The following USF3 variants were observed in gnomAD, a reference collection of about 807,000 sequenced individuals.
USF3 encodes upstream transcription factor family member 3.
In USF3, 29 loss-of-function variants were observed where a neutral mutation model predicts 157.5. The observed-to-expected ratio is 0.18, with a 90% CI of 0.14 to 0.25. USF3 has a LOEUF of 0.25. Ranked by LOEUF, USF3 falls within the 10% of genes least tolerant of loss-of-function variation. The pLI, the probability that USF3 is intolerant of heterozygous loss-of-function variation, is 1.00. For missense variants in USF3, 2,381 were observed against 2,667.6 expected (o/e 0.89, Z 2.37); for synonymous variants, 893 against 941.4 (o/e 0.95, Z 0.94).
At chr3:113,673,867 A>T (rs1707216968) in intron 3 of USF3, among the ~76,000 whole-genome samples, 1 of 152,226 alleles carries the variant, frequency 6.6e-6, no homozygotes, top group South Asian at 2.1e-4. Context: ...GACAAGTGGC[A>T]TCTGAGCTAT....
intron 1 of USF3, among the ~76,000 whole-genome samples, chr3:113,682,538 T>C (rs1707457785): frequency 6.6e-6 from 1 of 152,182 alleles, no homozygotes; most frequent in South Asian, 2.1e-4. Context: ...CTGAATAATC[T>C]GTCCAATGCT....
intron 1 of USF3, among the ~76,000 whole-genome samples, chr3:113,681,910 G>A (rs1200916245): frequency 2.6e-5 from 4 of 151,640 alleles, no homozygotes; most frequent in African/African-American, 4.8e-5. Flanking sequence ...TAGTAGAGAC[G>A]GGGTTTCACC....
rs1467388432 is a variant in USF3, at chr3:113,660,240, T to A, written c.1442A>T (p.Asn481Ile). The change falls in exon 7 of 7, where the codon AAT becomes ATT. Residue 481 changes from asparagine (N) to isoleucine (I), a missense_variant. Physicochemically the swap from Asn to Ile is moderately radical, Grantham distance 149 (BLOSUM62 -3). Coordinates refer to ENST00000316407, the MANE Select transcript of USF3 (RefSeq NM_001009899.4). ...SRYVATDINL[N>I]NSFPADGQPV... ...CTGCCCATCTGCTGGAAAGGAATTA[T>A]TCAAGTTGATGTCTGTAGCCACATA... 6.2e-7 allele frequency: 1 copy of A among 1,614,200 alleles called. No individual in the cohort carries two copies. Among genetic ancestry groups the A allele is most frequent in the Admixed American group, 1.7e-5 (1 of 60,016 alleles).
At chr3:113,667,371 G>A (rs888749060) in intron 5 of USF3, among the ~76,000 whole-genome samples, 6 of 152,180 alleles carry the variant, frequency 3.9e-5, no homozygotes, top group African/African-American at 1.4e-4. Context: ...CACCAAGGAA[G>A]TAAAATGGTT....
chr3:113,696,047 T>A (rs1182304447), intron 1 of USF3, among the ~76,000 whole-genome samples: 1 of 152,240 alleles, frequency 6.6e-6, no homozygotes, highest in Non-Finnish European at 1.5e-5. Context: ...CAGCTCTTTA[T>A]GCACCCAGGG....
intron 2 of USF3, 136 bp downstream of exon 2, chr3:113,677,146 C>T (rs560470123): frequency 3.3e-5 from 5 of 152,274 alleles, no homozygotes; most frequent in African/African-American, 1.2e-4. Context: ...CAGCTTATTC[C>T]TATTCCACCT....
chr3:113,652,784 C>T lies in USF3; in HGVS notation c.*2160G>A, dbSNP rs2012312. ...CAGCCTGGCCAAGATGGTGAAACCC[C>T]GTCTCTACTAAAAATATAAAAATTA... is the stretch of plus-strand genomic sequence containing the variant. On this transcript the variant is annotated 3_prime_UTR_variant, in exon 7 of 7. Transcript: ENST00000316407. 0.38 allele frequency: 61,315 copies of T among 161,844 alleles called. 11,751 individuals carry two copies. The highest frequency in any genetic ancestry group is 0.45 in the African/African-American group (18,844 of 41,484). The allele number at this position is 161,844 out of a possible 1,614,324, so 10.0% of individuals were successfully genotyped here.
Position 113,660,780 on chromosome 3 carries a change from G to C in USF3, c.902C>G (p.Thr301Arg), listed in dbSNP as rs1463410579. 2.5e-6 allele frequency: 4 copies of C among 1,614,074 alleles called. No individual in the cohort carries two copies. In the Admixed American group the frequency reaches 5.0e-5, roughly 20 times the overall value. ...TGCTGAGGAGCTGTGGGGGATGTTT[G>C]TAACACAAGGGGTCATTTTCTTCAA... ...KVLKKMTPCV[T>R]NIPHSSSATA... is the part of the protein sequence containing the mutation. Residue 301 changes from threonine (T) to arginine (R), a missense_variant, in exon 7 of 7, where the codon ACA (threonine) becomes AGA (arginine). Coordinates refer to ENST00000316407, the MANE Select transcript of USF3 (RefSeq NM_001009899.4).
At chr3:113,685,126 G>A (rs1048246240) in intron 1 of USF3, among the ~76,000 whole-genome samples, 5 of 152,110 alleles carry the variant, frequency 3.3e-5, no homozygotes, top group Admixed American at 2.0e-4. Flanking sequence ...CCACTTTAGC[G>A]GTCTTGAGTA....
Position 113,655,309 on chromosome 3 carries a change from T to C in USF3, c.6373A>G (p.Ile2125Val). The C allele has an allele frequency of 3.7e-6, 6 of 1,614,110 alleles. No individual in the cohort carries two copies. Among genetic ancestry groups the C allele is most frequent in the Non-Finnish European group, 5.1e-6 (6 of 1,180,018 alleles). Residue 2125 changes from isoleucine to valine, a missense_variant, in exon 7 of 7, where the codon ATT becomes GTT. Physicochemically the swap from Ile to Val is conservative, Grantham distance 29. Transcript: ENST00000316407. The stretch of plus-strand genomic sequence containing the variant: ...TGATTAGGAAAATAGGGGATTGAAA[T>C]ATCATTGGACAGTGTAGGATGAGCA... ...SPAHPTLSND[I>V]SIPYFPNQMF...
Position 113,658,353 on chromosome 3 carries a change from T to C in USF3, c.3329A>G (p.Glu1110Gly), listed in dbSNP as rs532153676. 1.2e-6 allele frequency: 2 copies of C among 1,614,140 alleles called. No homozygotes were observed. The highest frequency in any genetic ancestry group is 2.2e-5 in the South Asian group (2 of 91,080). ...VASMLPETTR[E>G]DVTSNATTNT... ...AGTTGTTGCATTGCTGGTCACATCT[T>C]CTCTTGTTGTTTCAGGAAGCATGGA... The change falls in exon 7 of 7, where the codon GAA becomes GGA. Residue 1110 changes from glutamate (E) to glycine (G), a missense_variant. This residue lies in a region of USF3 where 1,435 missense variants were observed against 1,550.9 expected (regional missense o/e 0.93). Transcript: ENST00000316407.
At chr3:113,690,502 C>A (rs905842693) in intron 1 of USF3, among the ~76,000 whole-genome samples, 19 of 152,198 alleles carry the variant, frequency 1.2e-4, no homozygotes, top group African/African-American at 4.6e-4. Context: ...ACTGGCAGGT[C>A]TCACCTACCC....
chr3:113,660,146 C>T lies in USF3; in HGVS notation c.1536G>A (p.Gln512=). 6.2e-7 allele frequency: 1 copy of T among 1,614,196 alleles called. No homozygotes were observed. The highest frequency in any genetic ancestry group is 1.1e-5 in the South Asian group (1 of 91,080). ...PSLPMQPLIA[Q]PQVKSQPPKN... is the part of the protein sequence containing the mutation. ...TGGGAGGCTGAGATTTAACTTGTGG[C>T]TGGGCAATTAGTGGCTGCATAGGTA... The change falls in exon 7 of 7, where the codon CAG becomes CAA. Residue 512 remains glutamine, a synonymous_variant. Coordinates refer to ENST00000316407, the MANE Select transcript of USF3 (RefSeq NM_001009899.4).
rs1209715720 is a variant in USF3, at chr3:113,658,802, A to T, written c.2880T>A (p.Gly960=). Residue 960 remains glycine (G), a synonymous_variant, in exon 7 of 7, where the codon GGT becomes GGA. Coordinates refer to ENST00000316407, the MANE Select transcript of USF3 (RefSeq NM_001009899.4). ...DPHILVSQVP[G]LSSTTSTTST... ...TTGTAGTGCTTGTTGTAGATGACAA[A>T]CCAGGAACCTGAGAAACCAAAATGT... 6.2e-7 allele frequency: 1 copy of T among 1,614,070 alleles called. No individual in the cohort carries two copies. The highest frequency in any genetic ancestry group is 1.7e-5 in the Admixed American group (1 of 60,002).
Position 113,651,730 on chromosome 3 carries a change from G to C in USF3, c.*3214C>G, listed in dbSNP as rs1382758147. On this transcript the variant is annotated 3_prime_UTR_variant, in exon 7 of 7. Transcript: ENST00000316407. ...ACACTTTCAGAATTAAGCCATGTATGAACTGAAGTCTTACATACACATGCA... is the reference window on the plus strand; with the variant it reads ...ACACTTTCAGAATTAAGCCATGTATCAACTGAAGTCTTACATACACATGCA... 6.6e-6 allele frequency: 1 copy of C among 152,174 alleles called. No individual in the cohort carries two copies. The highest frequency in any genetic ancestry group is 1.5e-5 in the Non-Finnish European group (1 of 68,032). The allele number at this position is 152,174 out of a possible 1,614,324, so 9.4% of individuals were successfully genotyped here.
chr3:113,682,588 G>A (rs1707458770), intron 1 of USF3, among the ~76,000 whole-genome samples: 1 of 152,062 alleles, frequency 6.6e-6, no homozygotes. Context: ...TATTGTATTG[G>A]GGTCTATCTC....
At position 113,654,151 on chromosome 3, in the gene USF3, A is replaced by G. The variant is rs1947313846; in HGVS notation, c.*793T>C. The G allele has an allele frequency of 1.3e-5, 2 of 152,628 alleles. No homozygotes were observed. 9.5% of individuals were successfully genotyped at this position (152,628 alleles called of 1,614,324 possible). Reference sequence around the variant, plus strand: ...CATGCAAAACTCCACAATACAACTAACTGCTTTTACCCTTATGACCCGATG... The same window carrying G: ...CATGCAAAACTCCACAATACAACTAGCTGCTTTTACCCTTATGACCCGATG... On this transcript the variant is annotated 3_prime_UTR_variant, in exon 7 of 7. Coordinates refer to ENST00000316407, the MANE Select transcript of USF3 (RefSeq NM_001009899.4).
chr3:113,695,634 C>T (rs369744498), intron 1 of USF3, among the ~76,000 whole-genome samples: 3 of 152,200 alleles, frequency 2.0e-5, no homozygotes, highest in African/African-American at 7.2e-5. Context: ...TATGCAGTCT[C>T]ATATTTCCAG....
chr3:113,679,555 A>C (rs1472707872), intron 1 of USF3, among the ~76,000 whole-genome samples: 1 of 151,812 alleles, frequency 6.6e-6, no homozygotes, highest in African/African-American at 2.4e-5. Context: ...CTAGGATTAC[A>C]GGCACCTGGC....
Sources: allele counts gnomAD v4.1 joint callset (sites outside exome capture counted in the v4.1 genomes callset), GRCh38; gene constraint gnomAD v4.1.1; regional missense constraint gnomAD v4.1.1; transcripts MANE v1.5; gene names NCBI Gene and HGNC (gene_info 2026-07-23, HGNC 2026-07-21).